The following TCEA1 variants were observed in gnomAD, a reference collection of about 807,000 sequenced individuals.
TCEA1 encodes the protein transcription elongation factor A1, also known as transcription elongation factor A protein 1.
TCEA1 carries 21 observed loss-of-function variants against 43.8 expected under a neutral mutation model. The observed-to-expected ratio is 0.48, with a 90% CI of 0.34 to 0.69. The LOEUF (loss-of-function observed/expected upper bound fraction) is 0.69, where lower values mean the gene tolerates loss of function less well. Among genes scored for constraint, TCEA1 ranks in the 30% least tolerant of loss-of-function variants. TCEA1 has a pLI of 0.01. For missense variants in TCEA1, 250 were observed against 365.1 expected (o/e 0.68, Z 2.57); for synonymous variants, 104 against 117.5 (o/e 0.88, Z 0.75).
At chr8:54,007,335 TTGTG>T (rs1217124669) in intron 2 of TCEA1, among the ~76,000 whole-genome samples, 1 of 152,048 alleles carries the variant, frequency 6.6e-6, no homozygotes, top group South Asian at 2.1e-4. Context: ...GCTCCCCAAT[TTGTG>T]TGTGTGTATT....
intron 1 of TCEA1, among the ~76,000 whole-genome samples, chr8:54,016,496 AC>A (rs1804831472): frequency 6.6e-6 from 1 of 152,028 alleles, no homozygotes. Context: ...ATTATTCACA[AC>A]AGCCAAAAAG....
chr8:54,019,041 T>C (rs1804935286), intron 1 of TCEA1, among the ~76,000 whole-genome samples: 1 of 152,198 alleles, frequency 6.6e-6, no homozygotes, highest in South Asian at 2.1e-4. Context: ...ATACTCATCT[T>C]GCAAAGTTGC....
rs189157976 is a variant in TCEA1, at chr8:53,982,010, T to C, written c.678+2353A>G. On this transcript the variant is annotated intron_variant, in intron 7 of 9. Transcript: ENST00000521604. ...CACCTCCTGGACTCAAGTGATCTGC[T>C]CATCTCGGCTTCCCAAACTGCTTTG... 4.1e-3 allele frequency among the ~76,000 whole-genome samples: 614 copies of C among 150,942 alleles called. 4 individuals carry two copies. The highest frequency in any genetic ancestry group is 0.014 in the African/African-American group (585 of 41,100).
At chr8:54,010,996 AG>A (rs1316993559) in intron 1 of TCEA1, among the ~76,000 whole-genome samples, 1 of 152,026 alleles carries the variant, frequency 6.6e-6, no homozygotes, top group Non-Finnish European at 1.5e-5. Flanking sequence ...TTGTATTTTT[AG>A]TAGAGATGGG....
chr8:53,982,096 T>G (rs913794430), intron 7 of TCEA1, among the ~76,000 whole-genome samples: 11 of 152,140 alleles, frequency 7.2e-5, no homozygotes, highest in African/African-American at 2.7e-4. Context: ...AGAAATACTT[T>G]TTGCAAGGCT....
At chr8:53,984,861 G>C (rs188387948) in intron 6 of TCEA1, among the ~76,000 whole-genome samples, 1 of 151,416 alleles carries the variant, frequency 6.6e-6, no homozygotes, top group Non-Finnish European at 1.5e-5. Context: ...CAGCCTGGGC[G>C]ACAGAGGGAC....
In TCEA1 at chr8:54,022,200, A is replaced by T; in HGVS notation, c.-75T>A. 6.7e-7 allele frequency: 1 copy of T among 1,493,482 alleles called. No individual in the cohort carries two copies. Among genetic ancestry groups the T allele is most frequent in the Non-Finnish European group, 9.3e-7 (1 of 1,080,276 alleles). The allele number at this position is 1,493,482 out of a possible 1,614,324, so 92.5% of individuals were successfully genotyped here. A position where few individuals can be genotyped will look rare whatever the true frequency, so the allele number is the denominator to read the frequency against. ...GCGAAGCTGGAGCGGAAGACACAGC[A>T]GGAGCGACCCCCGGCGCGCAGCAAC... On this transcript the variant is annotated 5_prime_UTR_variant, in exon 1 of 10. Coordinates refer to ENST00000521604, the MANE Select transcript of TCEA1 (RefSeq NM_006756.4).
intron 2 of TCEA1, among the ~76,000 whole-genome samples, chr8:54,002,298 C>T (rs917764585): frequency 8.0e-5 from 12 of 149,888 alleles, no homozygotes; most frequent in Non-Finnish European, 1.5e-4. Flanking sequence ...GGTGAAACCC[C>T]ATCTTTAAAA....
chr8:54,000,758 ATTTTT>A (rs537952645), intron 2 of TCEA1, among the ~76,000 whole-genome samples: 12 of 136,098 alleles, frequency 8.8e-5, no homozygotes, highest in African/African-American at 3.4e-4. Flanking sequence ...CAAAGCTGGG[ATTTTT>A]TTTTTTTTTT....
In TCEA1 at chr8:53,988,135, C is replaced by T; in HGVS notation, c.445G>A (p.Ala149Thr). 6.2e-7 allele frequency: 1 copy of T among 1,611,762 alleles called. No individual in the cohort carries two copies. The highest frequency in any genetic ancestry group is 2.2e-5 in the East Asian group (1 of 44,842). Residue 149 changes from alanine (A) to threonine (T), a missense_variant, in exon 5 of 10, where the codon GCT becomes ACT. This residue lies in a region of TCEA1 where 147 missense variants were observed against 160.3 expected (regional missense o/e 0.92). Coordinates refer to ENST00000521604, the MANE Select transcript of TCEA1 (RefSeq NM_006756.4). ...TTACCCCCTGTTCGAAGAGCTGCAG[C>T]AAGCATCTCCCTACACTTCAACCGC... ...SVRLKCREMLAAALRTGDDYI... is the reference protein window; with the variant it reads ...SVRLKCREMLTAALRTGDDYI...
chr8:53,988,443 A>G (rs562260404), intron 4 of TCEA1, among the ~76,000 whole-genome samples, 184 bp from the exon 5 acceptor site: 2 of 152,358 alleles, frequency 1.3e-5, no homozygotes, highest in South Asian at 4.1e-4. Context: ...AAATTTTACA[A>G]TTTAGTAAAG....
At chr8:54,021,968 A>AGGGGGAGGGGAGGGAGAAG in intron 1 of TCEA1, 95 bp downstream of exon 1, 2 of 1,136,266 alleles carry the variant, frequency 1.8e-6, no homozygotes, top group South Asian at 2.1e-5. Context: ...GGGAGGCTGC[A>AGGGGGAGGGGAGGGAGAAG]GGGGGAGGGG....
intron 2 of TCEA1, among the ~76,000 whole-genome samples, chr8:54,009,097 G>A (rs1199612178): frequency 1.3e-5 from 2 of 151,306 alleles, no homozygotes; most frequent in South Asian, 2.1e-4. Flanking sequence ...TGATCCACCC[G>A]CCTCAGCCTC....
rs544242092 is a variant in TCEA1 at position 53,999,117 on chromosome 8, A to G, written c.232+828T>C. Among the ~76,000 whole-genome samples, 277 of 150,638 alleles carry G rather than the reference A, an allele frequency of 1.8e-3. 2 individuals are homozygous for G. The highest frequency in any genetic ancestry group is 6.6e-3 in the African/African-American group (269 of 40,960). On this transcript the variant is annotated intron_variant, in intron 3 of 9. Coordinates refer to ENST00000521604, the MANE Select transcript of TCEA1 (RefSeq NM_006756.4). ...GTGGCGGCCACCTGTAGTCCCAGCTACTCGGGAGGCTGAGGCAGAATGGCA... is the reference window on the plus strand; with the variant it reads ...GTGGCGGCCACCTGTAGTCCCAGCTGCTCGGGAGGCTGAGGCAGAATGGCA...
chr8:54,014,534 T>C (rs988183154), intron 1 of TCEA1, among the ~76,000 whole-genome samples: 1 of 152,248 alleles, frequency 6.6e-6, no homozygotes, highest in African/African-American at 2.4e-5. Flanking sequence ...AGAAAGACTC[T>C]TCTTTAATTT....
intron 8 of TCEA1, chr8:53,978,632 C>T (rs546569114): frequency 1.2e-4 from 19 of 155,104 alleles, no homozygotes; most frequent in African/African-American, 2.2e-4. Context: ...CACTTAGTCA[C>T]AATGCCTACA....
intron 2 of TCEA1, among the ~76,000 whole-genome samples, chr8:54,009,580 C>G (rs753720083): frequency 1.3e-5 from 2 of 152,110 alleles, no homozygotes; most frequent in East Asian, 3.8e-4. Flanking sequence ...AAGACAAATA[C>G]CACGTTCTCA....
At chr8:54,008,128 G>T (rs533139228) in intron 2 of TCEA1, among the ~76,000 whole-genome samples, 87 of 129,572 alleles carry the variant, frequency 6.7e-4, no homozygotes, top group African/African-American at 2.4e-3. Flanking sequence ...GTCGCACGTC[G>T]TACCACTGCA....
chr8:54,002,973 G>C (rs572366745), intron 2 of TCEA1: 1 of 456,272 alleles, frequency 2.2e-6, no homozygotes, highest in East Asian at 6.9e-5. Flanking sequence ...TGAGTACTGA[G>C]ATCAAGAGAC....
Sources: allele counts gnomAD v4.1 joint callset (sites outside exome capture counted in the v4.1 genomes callset), GRCh38; gene constraint gnomAD v4.1.1; regional missense constraint gnomAD v4.1.1; transcripts MANE v1.5; gene names NCBI Gene and HGNC (gene_info 2026-07-23, HGNC 2026-07-21).